Variants in EPHA6 observed in about 807,000 individuals in gnomAD.
The protein encoded by EPHA6 is EPH receptor A6, also known as ephrin type-A receptor 6.
A neutral mutation model predicts 112.0 loss-of-function variants in EPHA6; 50 were observed. That is an observed-to-expected ratio of 0.45 (90% CI 0.36 to 0.56). The LOEUF (loss-of-function observed/expected upper bound fraction) is 0.56, where lower values mean the gene tolerates loss of function less well. Among genes scored for constraint, EPHA6 ranks in the 20% least tolerant of loss-of-function variants. EPHA6 has a pLI of 0.00. For synonymous variants in EPHA6, 529 were observed against 490.7 expected (o/e 1.08, Z -1.03); for missense variants, 1,280 against 1,417.4 (o/e 0.90, Z 1.56).
At chr3:97,215,602 C>G (rs2078011052) in intron 3 of EPHA6, among the ~76,000 whole-genome samples, 1 of 137,006 alleles carries the variant, frequency 7.3e-6, no homozygotes. Context: ...CAAGAGCAAA[C>G]TTTGTCTCAA....
rs564644828 is a variant in EPHA6 at position 97,757,020 on chromosome 3, A to C, written c.*8319A>C. Among the ~76,000 whole-genome samples the C allele has an allele frequency of 6.6e-6, 1 of 151,960 alleles. No homozygotes were observed. Among genetic ancestry groups the C allele is most frequent in the South Asian group, 2.1e-4 (1 of 4,822 alleles). ...ATTTTTAACAGTCTTTGTTTCTTAA[A>C]ATGTTAATTATGGTATACGTGCTAT... On this transcript the variant is annotated 3_prime_UTR_variant, in exon 18 of 18. Transcript: ENST00000389672.
intron 3 of EPHA6, among the ~76,000 whole-genome samples, chr3:97,064,645 C>T (rs1223384449): frequency 6.6e-6 from 1 of 152,030 alleles, no homozygotes; most frequent in Non-Finnish European, 1.5e-5. Flanking sequence ...TCTTGATAAC[C>T]CAGAAAAACC....
chr3:97,557,267 C>G (rs1404218639), intron 11 of EPHA6, among the ~76,000 whole-genome samples: 1 of 151,934 alleles, frequency 6.6e-6, no homozygotes, highest in Non-Finnish European at 1.5e-5. Context: ...GCTGTATCTG[C>G]TGGGTATCAT....
chr3:97,377,002 A>G (rs975870025), intron 5 of EPHA6, among the ~76,000 whole-genome samples: 11 of 152,188 alleles, frequency 7.2e-5, no homozygotes, highest in African/African-American at 2.7e-4. Flanking sequence ...CACAACTCAC[A>G]TGGACGAAAG....
In EPHA6 at chr3:97,505,060, C is replaced by A. The variant is rs142847537; in HGVS notation, c.2200+21001C>A. On this transcript the variant is annotated intron_variant, in intron 10 of 17. Coordinates refer to ENST00000389672, the MANE Select transcript of EPHA6 (RefSeq NM_001080448.3). The stretch of plus-strand genomic sequence containing the variant: ...TCCCCAGAATTTTATAGAGGAAGTT[C>A]AATTCAGTCTGAATGGCAGTGTCCT... 4.3e-3 allele frequency among the ~76,000 whole-genome samples: 654 copies of A among 152,154 alleles called. 1 individual carries two copies. Among genetic ancestry groups the A allele is most frequent in the Non-Finnish European group, 7.3e-3 (496 of 68,002 alleles).
intron 2 of EPHA6, among the ~76,000 whole-genome samples, chr3:96,955,748 A>T (rs924438859): frequency 6.6e-6 from 1 of 152,172 alleles, no homozygotes; most frequent in Non-Finnish European, 1.5e-5. Context: ...ATGAACAAAA[A>T]CTCATTATCC....
intron 4 of EPHA6, among the ~76,000 whole-genome samples, chr3:97,233,471 C>T (rs2078592040): frequency 1.3e-5 from 2 of 152,072 alleles, no homozygotes; most frequent in African/African-American, 2.4e-5. Flanking sequence ...AGATATAGAA[C>T]TTTTGGGGCC....
chr3:97,216,093 G>A (rs1215578035), intron 3 of EPHA6, among the ~76,000 whole-genome samples: 1 of 152,136 alleles, frequency 6.6e-6, no homozygotes, highest in Non-Finnish European at 1.5e-5. Context: ...TACCTGAGAT[G>A]GGTAATTTCT....
chr3:97,401,603 T>C (rs796728869), intron 5 of EPHA6, among the ~76,000 whole-genome samples: 14 of 151,868 alleles, frequency 9.2e-5, no homozygotes, highest in Middle Eastern at 3.4e-3. Context: ...TCGTCAATTT[T>C]GTTCCTCTTT....
chr3:96,838,187 A>G (rs2034532412), intron 1 of EPHA6, among the ~76,000 whole-genome samples: 1 of 151,968 alleles, frequency 6.6e-6, no homozygotes, highest in South Asian at 2.1e-4. Flanking sequence ...GCTGAGGATA[A>G]TGGTTTCCTC....
In EPHA6 at chr3:97,727,562, A is replaced by G. The variant is rs535190790; in HGVS notation, c.2934+7152A>G. Among the ~76,000 whole-genome samples, 4 of 152,104 alleles carry G rather than the reference A, an allele frequency of 2.6e-5. No individual in the cohort carries two copies. The South Asian group carries it at 8.3e-4, about 32-fold the overall frequency. The stretch of plus-strand genomic sequence containing the variant: ...ATTTCCAATTTTTGTCTCTGATTAG[A>G]TTTTCCAAACTCTACTTTATTATGT... On this transcript the variant is annotated intron_variant, in intron 15 of 17. Coordinates refer to ENST00000389672, the MANE Select transcript of EPHA6 (RefSeq NM_001080448.3).
At chr3:97,566,554 T>G (rs1296733863) in intron 11 of EPHA6, among the ~76,000 whole-genome samples, 1 of 152,224 alleles carries the variant, frequency 6.6e-6, no homozygotes, top group Admixed American at 6.5e-5. Context: ...CTTTATGTAT[T>G]TATTATCCAG....
At chr3:97,220,242 C>G (rs936361205) in intron 3 of EPHA6, among the ~76,000 whole-genome samples, 8 of 152,144 alleles carry the variant, frequency 5.3e-5, no homozygotes, top group South Asian at 4.1e-4. Flanking sequence ...TCTGAGCCCT[C>G]CAGGTCTCTA....
chr3:97,761,210 A>G lies in EPHA6; in HGVS notation c.*12509A>G, dbSNP rs558140171. ...TTTTATCTTACAAAAATCTACTATAATATTAATAACTTTCCATGTAAATTT... is the reference window on the plus strand; with the variant it reads ...TTTTATCTTACAAAAATCTACTATAGTATTAATAACTTTCCATGTAAATTT... On this transcript the variant is annotated 3_prime_UTR_variant, in exon 18 of 18. Coordinates refer to ENST00000389672, the MANE Select transcript of EPHA6 (RefSeq NM_001080448.3). 3 of 197,800 alleles carry G rather than the reference A, an allele frequency of 1.5e-5. No individual in the cohort carries two copies. Among genetic ancestry groups the G allele is most frequent in the South Asian group, 3.8e-4 (2 of 5,232 alleles). 12.3% of individuals were successfully genotyped at this position (197,800 alleles called of 1,614,324 possible). A position where few individuals can be genotyped will look rare whatever the true frequency, so the allele number is the denominator to read the frequency against.
chr3:97,042,312 C>T (rs9828162), intron 3 of EPHA6, among the ~76,000 whole-genome samples: 3,773 of 152,158 alleles, frequency 0.025, 123 homozygotes, highest in African/African-American at 0.074. Flanking sequence ...TGTTACGTGC[C>T]TGCTTCCCCT....
At chr3:97,598,143 T>A (rs901317637) in intron 12 of EPHA6, among the ~76,000 whole-genome samples, 4 of 151,986 alleles carry the variant, frequency 2.6e-5, no homozygotes, top group Admixed American at 6.5e-5. Context: ...TTTTTATTTT[T>A]TTTATTTTTT....
At chr3:97,090,862 T>A (rs2047042874) in intron 3 of EPHA6, among the ~76,000 whole-genome samples, 1 of 152,078 alleles carries the variant, frequency 6.6e-6, no homozygotes, top group South Asian at 2.1e-4. Context: ...GAATGAGGAA[T>A]AATACTCAGG....
intron 9 of EPHA6, chr3:97,481,627 G>A (rs1163622337): frequency 2.2e-6 from 1 of 448,964 alleles, no homozygotes; most frequent in African/African-American, 2.0e-5. Context: ...GCCCTCCCTA[G>A]GCCCGCCGCT....
At chr3:97,090,695 C>G (rs28459322) in intron 3 of EPHA6, among the ~76,000 whole-genome samples, 11,531 of 152,028 alleles carry the variant, frequency 0.076, 483 homozygotes, top group Middle Eastern at 0.13. Context: ...TGTGTTTCAG[C>G]TTGGGTAATG....
Sources: gnomAD v4.1 joint callset for allele counts (sites outside exome capture counted in the v4.1 genomes callset) on GRCh38, gnomAD v4.1.1 for gene constraint, MANE v1.5 for transcripts, NCBI Gene and HGNC (gene_info 2026-07-23, HGNC 2026-07-21) for gene names.